Variants in PKHD1 observed in about 807,000 individuals in gnomAD.
The protein encoded by PKHD1 is PKHD1 ciliary IPT domain containing fibrocystin/polyductin.
In PKHD1, 291 loss-of-function variants were observed where a neutral mutation model predicts 412.0. The ratio of observed to expected loss-of-function variants is 0.71; its 90% CI spans 0.64 to 0.78. The LOEUF (loss-of-function observed/expected upper bound fraction) is 0.78. Among genes scored for constraint, PKHD1 ranks in the 30% least tolerant of loss-of-function variants. The probability of loss-of-function intolerance (pLI) is 0.00; values close to 1 mark genes in which losing one functional copy is unlikely to be tolerated. For missense variants in PKHD1, 4,825 were observed against 4,950.7 expected (o/e 0.97, Z 0.76); for synonymous variants, 1,777 against 1,821.5 (o/e 0.98, Z 0.62).
intron 50 of PKHD1, among the ~76,000 whole-genome samples, chr6:51,840,489 CCTT>C (rs10552110): frequency 0.052 from 7,985 of 152,178 alleles, 218 homozygotes; most frequent in South Asian, 0.064. Context: ...CTCAATTAAA[CCTT>C]CTTAATTAAC....
At chr6:52,011,863 C>G (rs731736) in intron 34 of PKHD1, among the ~76,000 whole-genome samples, 67,997 of 152,032 alleles carry the variant, frequency 0.45, 17,117 homozygotes, top group Admixed American at 0.58. Context: ...CATATCTGAA[C>G]GCAGATTGTT....
chr6:51,639,044 A>T (rs1768982202), intron 63 of PKHD1, 88 bp from the exon 64 acceptor site: 1 of 964,504 alleles, frequency 1.0e-6, no homozygotes, highest in Non-Finnish European at 1.7e-6. Flanking sequence ...AGACATTTGG[A>T]CAATAAAGGA....
rs189136812 is a variant in PKHD1 at position 51,665,579 on chromosome 6, A to G, written c.10157-5610T>C. Among the ~76,000 whole-genome samples the G allele has an allele frequency of 4.5e-4, 69 of 152,268 alleles. 1 individual carries two copies. The East Asian group carries it at 0.013, about 29-fold the overall frequency. On this transcript the variant is annotated intron_variant, in intron 60 of 66. Coordinates refer to ENST00000371117, the MANE Select transcript of PKHD1 (RefSeq NM_138694.4). ...CTGTACAAATGAAATGCCCTACATG[A>G]GCTGAAAAGTAGGTTCTTTTATCTT...
chr6:51,847,306 T>C (rs891214410), intron 50 of PKHD1, among the ~76,000 whole-genome samples: 13 of 148,444 alleles, frequency 8.8e-5, no homozygotes, highest in African/African-American at 3.3e-4. Context: ...CTCACTTTGC[T>C]GCCCTGGCTG....
intron 60 of PKHD1, among the ~76,000 whole-genome samples, chr6:51,662,796 C>T (rs1247877314): frequency 6.6e-6 from 1 of 151,904 alleles, no homozygotes; most frequent in East Asian, 1.9e-4. Flanking sequence ...CAAACATTTG[C>T]CAACACATTC....
chr6:51,828,828 T>C (rs1297029501), intron 52 of PKHD1, among the ~76,000 whole-genome samples: 1 of 152,006 alleles, frequency 6.6e-6, no homozygotes, highest in Non-Finnish European at 1.5e-5. Context: ...AATATCAGCC[T>C]GTCAAAAATC....
chr6:51,675,148 G>C (rs1775632003), intron 60 of PKHD1, among the ~76,000 whole-genome samples: 1 of 152,098 alleles, frequency 6.6e-6, no homozygotes, highest in Admixed American at 6.6e-5. Context: ...CACCAAATGG[G>C]TGTAGTTCTT....
intron 60 of PKHD1, among the ~76,000 whole-genome samples, chr6:51,709,879 AAC>A (rs1490958202): frequency 6.7e-6 from 1 of 149,328 alleles, no homozygotes; most frequent in Non-Finnish European, 1.5e-5. Flanking sequence ...TAACTGACAA[AAC>A]AGATATTCTA....
intron 55 of PKHD1, among the ~76,000 whole-genome samples, chr6:51,770,236 T>C (rs1789842885): frequency 6.6e-6 from 1 of 152,000 alleles, no homozygotes; most frequent in East Asian, 1.9e-4. Context: ...TTTATATTTC[T>C]ATATTGTATT....
At chr6:51,657,001 T>C (rs1343499593) in intron 61 of PKHD1, among the ~76,000 whole-genome samples, 20 of 151,814 alleles carry the variant, frequency 1.3e-4, no homozygotes, top group Admixed American at 1.3e-3. Flanking sequence ...CTTAGAAAAA[T>C]GTGTCCAGTA....
rs145684550 is a variant in PKHD1 at position 51,658,815 on chromosome 6, T to C, written c.11174+137A>G. On this transcript the variant is annotated intron_variant, in intron 61 of 66. Coordinates refer to ENST00000371117, the MANE Select transcript of PKHD1 (RefSeq NM_138694.4). ...CTAAGAATTTAAGTCTTTAAATGACTCTTTGAATTTTTATTCTTATCTTAA... is the reference window on the plus strand; with the variant it reads ...CTAAGAATTTAAGTCTTTAAATGACCCTTTGAATTTTTATTCTTATCTTAA... 2.2e-4 allele frequency: 149 copies of C among 666,214 alleles called. 1 individual carries two copies. Among genetic ancestry groups the C allele is most frequent in the African/African-American group, 2.2e-3 (120 of 54,982 alleles). 41.3% of individuals were successfully genotyped at this position (666,214 alleles called of 1,614,324 possible). A position where few individuals can be genotyped will look rare whatever the true frequency, so the allele number is the denominator to read the frequency against.
At chr6:51,737,912 T>G (rs892162753) in intron 60 of PKHD1, among the ~76,000 whole-genome samples, 4 of 151,402 alleles carry the variant, frequency 2.6e-5, no homozygotes, top group African/African-American at 7.3e-5. Flanking sequence ...ATGAGGGGGG[T>G]TTGTTTTGTT....
chr6:52,070,936 A>C, intron 9 of PKHD1, 70 bp downstream of exon 9: 1 of 902,610 alleles, frequency 1.1e-6, no homozygotes, highest in Non-Finnish European at 1.9e-6. Flanking sequence ...CCAATCTTGC[A>C]ATTGCTTTTG....
Position 51,632,561 on chromosome 6 carries a change from A to G in PKHD1, c.11665+4T>C. ...CATTCCAAAATAAAAAAAAAACTAC[A>G]TACTTCTGCTTTTGCTTCTTTTAAG... is the stretch of plus-strand genomic sequence containing the variant. On this transcript the variant is annotated splice_donor_region_variant and intron_variant, in intron 65 of 66. Coordinates refer to ENST00000371117, the MANE Select transcript of PKHD1 (RefSeq NM_138694.4). The G allele has an allele frequency of 1.2e-6, 2 of 1,610,838 alleles. No homozygotes were observed. Among genetic ancestry groups the G allele is most frequent in the Middle Eastern group, 1.7e-4 (1 of 6,044 alleles).
intron 60 of PKHD1, among the ~76,000 whole-genome samples, chr6:51,672,638 T>A (rs972803871): frequency 6.6e-6 from 1 of 152,188 alleles, no homozygotes; most frequent in Admixed American, 6.5e-5. Flanking sequence ...TTATTCAAGG[T>A]TGGGTTCATG....
intron 52 of PKHD1, among the ~76,000 whole-genome samples, chr6:51,801,639 T>TGTGTGTGTGTGTGTGTGTGTGTG (rs1762930421): frequency 8.3e-6 from 1 of 120,138 alleles, no homozygotes; most frequent in Non-Finnish European, 1.8e-5. Context: ...GCTGGCCTGA[T>TGTGTGTGTGTGTGTGTGTGTGTG]TGTGTGTGTG....
intron 52 of PKHD1, among the ~76,000 whole-genome samples, chr6:51,822,434 C>T (rs1766595918): frequency 6.6e-6 from 1 of 152,138 alleles, no homozygotes; most frequent in African/African-American, 2.4e-5. Flanking sequence ...TTCTGCTGTC[C>T]TGGTTCTAAT....
intron 60 of PKHD1, among the ~76,000 whole-genome samples, chr6:51,725,674 C>T (rs1216087492): frequency 2.6e-5 from 4 of 152,170 alleles, no homozygotes; most frequent in East Asian, 1.9e-4. Flanking sequence ...GTCTAGCTCA[C>T]GTTTCATTTC....
intron 35 of PKHD1, among the ~76,000 whole-genome samples, chr6:51,974,156 C>T (rs1794050035): frequency 6.6e-6 from 1 of 152,142 alleles, no homozygotes; most frequent in East Asian, 1.9e-4. Flanking sequence ...TTCTGATAGC[C>T]CCCTCTCCAG....
Sources: allele counts gnomAD v4.1 joint callset (sites outside exome capture counted in the v4.1 genomes callset), GRCh38; gene constraint gnomAD v4.1.1; transcripts MANE v1.5; gene names NCBI Gene and HGNC (gene_info 2026-07-23, HGNC 2026-07-21).